Variants in GRIP1 observed in about 807,000 individuals in gnomAD.
GRIP1 encodes the protein glutamate receptor-interacting protein 1.
A neutral mutation model predicts 129.9 loss-of-function variants in GRIP1; 45 were observed. That is an observed-to-expected ratio of 0.35 (90% CI 0.27 to 0.44). GRIP1 has a LOEUF of 0.44. Ranked by LOEUF, GRIP1 falls within the 20% of genes least tolerant of loss-of-function variation. The pLI is 1.00. For missense variants in GRIP1, 1,196 were observed against 1,396.8 expected, an observed-to-expected ratio of 0.86 and a Z score of 2.29; for synonymous variants, 530 against 520.8, an observed-to-expected ratio of 1.02 and a Z score of -0.24.
Position 66,859,288 on chromosome 12 carries a change from AAAACAAAAAAAC to A in GRIP1, c.58+209750_58+209761del, listed in dbSNP as rs1325009425. ...AAAAACAAAAAAACAAAAAAACAAA[AAAACAAAAAAAC>A]AAAAAAAAACCAGTATTAGCCATCA... On this transcript the variant is annotated intron_variant, in intron 1 of 1. Coordinates refer to the GRIP1 transcript ENST00000643019. Among the ~76,000 whole-genome samples, 31 of 9,782 alleles carry A rather than the reference AAAACAAAAAAAC, an allele frequency of 3.2e-3. 6 individuals are homozygous for A. The East Asian group carries it at 0.055, about 17-fold the overall frequency. The allele number at this position is 9,782 out of a possible 152,430, so 6.4% of individuals were successfully genotyped here.
intron 13 of GRIP1, among the ~76,000 whole-genome samples, chr12:66,439,603 T>G (rs79619139): frequency 0.029 from 4,446 of 152,312 alleles, 98 homozygotes; most frequent in Non-Finnish European, 0.04. Context: ...CAACTATGTG[T>G]GCCTCAATTT....
chr12:66,473,657 C>T (rs990904738), intron 7 of GRIP1, among the ~76,000 whole-genome samples: 8 of 152,176 alleles, frequency 5.3e-5, no homozygotes, highest in Non-Finnish European at 1.0e-4. Context: ...CTTTGCTGTC[C>T]CACAGCTTCC....
At chr12:66,946,772 GTGGGGT>G (rs2041675122) in intron 1 of GRIP1, among the ~76,000 whole-genome samples, 6 of 95,120 alleles carry the variant, frequency 6.3e-5, no homozygotes, top group Admixed American at 1.9e-4. Flanking sequence ...GGGTCGGGGG[GTGGGGT>G]GGGGGATGGG....
intron 1 of GRIP1, among the ~76,000 whole-genome samples, chr12:66,935,058 T>C (rs1449898569): frequency 2.0e-5 from 3 of 152,206 alleles, no homozygotes; most frequent in Non-Finnish European, 4.4e-5. Flanking sequence ...TTTCATTTAT[T>C]GTTCTCTTGT....
intron 1 of GRIP1, among the ~76,000 whole-genome samples, chr12:66,626,108 T>A (rs1211401351): frequency 6.6e-6 from 1 of 152,102 alleles, no homozygotes; most frequent in East Asian, 1.9e-4. Context: ...GCAGATCAAC[T>A]GAGCTCAGGA....
At chr12:67,032,587 T>C (rs2043039132) in intron 1 of GRIP1, among the ~76,000 whole-genome samples, 1 of 152,194 alleles carries the variant, frequency 6.6e-6, no homozygotes, top group Admixed American at 6.5e-5. Flanking sequence ...TCTTTGTTGA[T>C]GGGGAAAGGG....
chr12:66,617,432 C>T (rs535122915), intron 1 of GRIP1, among the ~76,000 whole-genome samples: 4 of 151,870 alleles, frequency 2.6e-5, no homozygotes, highest in Non-Finnish European at 4.4e-5. Context: ...ATGATATCAG[C>T]GAACTTGAAT....
intron 2 of GRIP1, among the ~76,000 whole-genome samples, chr12:66,558,778 G>A (rs1220901366): frequency 1.4e-5 from 2 of 143,670 alleles, no homozygotes; most frequent in Non-Finnish European, 3.0e-5. Flanking sequence ...TGCCAATCCT[G>A]CTCAAACTAT....
chr12:66,832,953 C>A (rs17182343), intron 1 of GRIP1, among the ~76,000 whole-genome samples: 1 of 152,192 alleles, frequency 6.6e-6, no homozygotes, highest in South Asian at 2.1e-4. Flanking sequence ...TTCTTTTCAG[C>A]CCCTGCAGCA....
In GRIP1 at chr12:66,777,389, T is replaced by C. The variant is rs576629229; in HGVS notation, c.-420+26664A>G. On this transcript the variant is annotated intron_variant, in intron 1 of 4. Transcript: ENST00000538373. ...TAACCCCCTTGAATCCTTCAAGATA[T>C]TGAGCAAACCTCACCTTCTTAATGA... Among the ~76,000 whole-genome samples, 15 of 152,292 alleles carry C rather than the reference T, an allele frequency of 9.8e-5. No individual in the cohort carries two copies. The South Asian group carries it at 3.1e-3, about 32-fold the overall frequency.
At chr12:66,983,743 T>C (rs1592427722) in intron 1 of GRIP1, among the ~76,000 whole-genome samples, 1 of 152,222 alleles carries the variant, frequency 6.6e-6, no homozygotes, top group East Asian at 1.9e-4. Context: ...ATACACTTCA[T>C]CAGCCAGTAT....
At position 66,463,047 on chromosome 12, in the gene GRIP1, T is replaced by C; in HGVS notation, c.919A>G (p.Thr307Ala). The change falls in exon 9 of 25, where the codon ACC becomes GCC. Residue 307 changes from threonine to alanine, a missense_variant. Thr to Ala is a moderately conservative substitution (Grantham distance 58, BLOSUM62 0). Coordinates refer to ENST00000359742, the MANE Select transcript of GRIP1 (RefSeq NM_001366722.1). ...VGDHILSIDG[T>A]SMEYCTLAEA... Reference sequence around the variant, plus strand: ...GCAAGTGTACAGTACTCCATGCTGGTTCCATCGATGGAGAGGATGTGATCT... The same window carrying C: ...GCAAGTGTACAGTACTCCATGCTGGCTCCATCGATGGAGAGGATGTGATCT... 6.2e-7 allele frequency: 1 copy of C among 1,613,572 alleles called. No homozygotes were observed. Among genetic ancestry groups the C allele is most frequent in the Non-Finnish European group, 8.5e-7 (1 of 1,179,506 alleles).
At chr12:66,518,332 T>G (rs1305070562) in intron 5 of GRIP1, among the ~76,000 whole-genome samples, 1 of 151,996 alleles carries the variant, frequency 6.6e-6, no homozygotes, top group Non-Finnish European at 1.5e-5. Flanking sequence ...CAAACTGATC[T>G]AAAATACTGG....
At chr12:66,375,463 A>T (rs1421727852) in intron 22 of GRIP1, among the ~76,000 whole-genome samples, 1 of 152,208 alleles carries the variant, frequency 6.6e-6, no homozygotes, top group Non-Finnish European at 1.5e-5. Flanking sequence ...TAGCTCTAAT[A>T]TTTTTTGTAT....
intron 1 of GRIP1, among the ~76,000 whole-genome samples, chr12:66,872,858 T>C (rs1296726514): frequency 6.6e-6 from 1 of 152,080 alleles, no homozygotes; most frequent in African/African-American, 2.4e-5. Context: ...ATTATTATGC[T>C]CACAGACACA....
chr12:66,516,565 A>T (rs1319909240), intron 6 of GRIP1, among the ~76,000 whole-genome samples: 1 of 152,116 alleles, frequency 6.6e-6, no homozygotes, highest in Non-Finnish European at 1.5e-5. Flanking sequence ...AAATTCTCAG[A>T]TTTCTTTGAG....
At chr12:66,932,342 C>T (rs1199185640) in intron 1 of GRIP1, among the ~76,000 whole-genome samples, 1 of 152,188 alleles carries the variant, frequency 6.6e-6, no homozygotes, top group African/African-American at 2.4e-5. Flanking sequence ...ACTGATTTTA[C>T]TCCATTAGTC....
intron 1 of GRIP1, among the ~76,000 whole-genome samples, chr12:66,970,990 T>G (rs953008091): frequency 1.3e-5 from 2 of 152,154 alleles, no homozygotes; most frequent in African/African-American, 4.8e-5. Flanking sequence ...CTATCTTGGC[T>G]CTTTGCTGTG....
intron 1 of GRIP1, among the ~76,000 whole-genome samples, chr12:66,707,584 T>C (rs1294848529): frequency 3.3e-5 from 5 of 149,736 alleles, no homozygotes; most frequent in African/African-American, 4.9e-5. Flanking sequence ...TGGTCTCTCC[T>C]AGCACTTCAA....
Sources: gnomAD v4.1 joint callset for allele counts (sites outside exome capture counted in the v4.1 genomes callset) on GRCh38, gnomAD v4.1.1 for gene constraint, MANE v1.5 for transcripts, NCBI Gene and HGNC (gene_info 2026-07-23, HGNC 2026-07-21) for gene names.